The following ZNF398 variants were observed in gnomAD, a reference collection of about 807,000 sequenced individuals.
The protein encoded by ZNF398 is zinc finger DNA binding protein ZER6.
In ZNF398, 18 loss-of-function variants were observed where a neutral mutation model predicts 41.9. That is an observed-to-expected ratio of 0.43 (90% confidence interval 0.30 to 0.64). The LOEUF is 0.64. Ranked by LOEUF, ZNF398 falls within the 30% of genes least tolerant of loss-of-function variation. ZNF398 has a pLI of 0.14. For missense variants in ZNF398, 669 were observed against 822.8 expected (o/e 0.81, Z 2.29); for synonymous variants, 260 against 308.8 (o/e 0.84, Z 1.66).
intron 2 of ZNF398, among the ~76,000 whole-genome samples, chr7:149,165,208 C>G (rs563353660): frequency 6.6e-6 from 1 of 151,980 alleles, no homozygotes; most frequent in Non-Finnish European, 1.5e-5. Context: ...TTGCAGAGTT[C>G]GAACCGAATG....
intron 1 of ZNF398, among the ~76,000 whole-genome samples, chr7:149,150,867 C>A (rs1827093643): frequency 6.6e-6 from 1 of 152,080 alleles, no homozygotes; most frequent in Non-Finnish European, 1.5e-5. Flanking sequence ...TGCCACCACA[C>A]CCAGCTAATT....
chr7:149,175,480 A>G (rs1433475188), intron 4 of ZNF398, among the ~76,000 whole-genome samples: 1 of 152,160 alleles, frequency 6.6e-6, no homozygotes, highest in African/African-American at 2.4e-5. Flanking sequence ...AAGAACCCCC[A>G]AGACCTGAAG....
chr7:149,132,516 C>CGA (rs796634220), intron 2 of ZNF398, among the ~76,000 whole-genome samples: 93 of 151,986 alleles, frequency 6.1e-4, no homozygotes, highest in African/African-American at 2.1e-3. Flanking sequence ...TTCTCTCTTT[C>CGA]GAGAGAGAGA....
chr7:149,177,007 G>A (rs1427262263), intron 5 of ZNF398, among the ~76,000 whole-genome samples: 1 of 152,092 alleles, frequency 6.6e-6, no homozygotes, highest in East Asian at 1.9e-4. Flanking sequence ...AATCAATGAT[G>A]GGAGAAGAAA....
At chr7:149,167,052 A>G (rs1795239610) in intron 4 of ZNF398, 122 bp downstream of exon 4, 1 of 636,590 alleles carries the variant, frequency 1.6e-6, no homozygotes, top group East Asian at 2.9e-5. Flanking sequence ...TAGATTTTGA[A>G]TGTGTCATCA....
rs978904059 is a variant in ZNF398, at chr7:149,175,952, C to G, written c.662-516C>G. Among the ~76,000 whole-genome samples, 21 of 152,130 alleles carry G rather than the reference C, an allele frequency of 1.4e-4. 1 individual carries two copies. Among genetic ancestry groups the G allele is most frequent in the Admixed American group, 1.3e-4 (2 of 15,254 alleles). On this transcript the variant is annotated intron_variant, in intron 4 of 5. Coordinates refer to ENST00000475153, the MANE Select transcript of ZNF398 (RefSeq NM_170686.3). ...CCACTTGCCTCGGCCTCCCAAAGTT[C>G]TGGGCTTACACGCGTGAGTTACCAC... is the stretch of plus-strand genomic sequence containing the variant.
chr7:149,174,286 A>G (rs1237096995), intron 4 of ZNF398, among the ~76,000 whole-genome samples: 1 of 152,086 alleles, frequency 6.6e-6, no homozygotes, highest in Non-Finnish European at 1.5e-5. Flanking sequence ...TCATACATGA[A>G]AATTTGTTGT....
intron 2 of ZNF398, among the ~76,000 whole-genome samples, chr7:149,142,010 A>G (rs139435973): frequency 7.5e-4 from 114 of 152,230 alleles, no homozygotes; most frequent in African/African-American, 2.4e-3. Flanking sequence ...ATGCAGTGGC[A>G]CAGTCATGGC....
intron 1 of ZNF398, chr7:149,148,381 G>A (rs990688544): frequency 1.0e-6 from 1 of 972,504 alleles, no homozygotes; most frequent in Non-Finnish European, 1.2e-6. Flanking sequence ...AGTTGCCAGG[G>A]CGACCGAGGC....
intron 5 of ZNF398, among the ~76,000 whole-genome samples, chr7:149,177,296 G>A (rs1405241817): frequency 6.6e-6 from 1 of 152,064 alleles, no homozygotes; most frequent in Non-Finnish European, 1.5e-5. Context: ...TGAATGAGAA[G>A]TTTCAGGAAC....
At chr7:149,138,169 C>A (rs1029318764) in intron 2 of ZNF398, among the ~76,000 whole-genome samples, 20 of 149,878 alleles carry the variant, frequency 1.3e-4, no homozygotes, top group East Asian at 1.2e-3. Context: ...CCATTGCACT[C>A]CAGCCTAGGC....
intron 1 of ZNF398, chr7:149,151,113 C>A: frequency 2.0e-6 from 1 of 502,416 alleles, no homozygotes; most frequent in Non-Finnish European, 2.7e-6. Flanking sequence ...ATGGGACAAG[C>A]GGCATGGAGG....
chr7:149,141,826 T>C (rs768106863), intron 2 of ZNF398, among the ~76,000 whole-genome samples: 26 of 152,140 alleles, frequency 1.7e-4, no homozygotes, highest in Non-Finnish European at 2.4e-4. Flanking sequence ...TGACATCAGG[T>C]GATCCACCCA....
At chr7:149,146,536 G>A (rs902341004), upstream of ZNF398, among the ~76,000 whole-genome samples, 1 of 151,384 alleles carries the variant, frequency 6.6e-6, no homozygotes, top group Non-Finnish European at 1.5e-5. Flanking sequence ...GACGACAGAG[G>A]GAGACTGTCT....
At chr7:149,155,335 G>A (rs902458341) in intron 2 of ZNF398, among the ~76,000 whole-genome samples, 5 of 152,036 alleles carry the variant, frequency 3.3e-5, no homozygotes, top group East Asian at 1.9e-4. Flanking sequence ...CAGGAGAATC[G>A]CTTGAACCCG....
At chr7:149,175,170 G>A (rs1460513826) in intron 4 of ZNF398, among the ~76,000 whole-genome samples, 3 of 152,046 alleles carry the variant, frequency 2.0e-5, no homozygotes, top group Admixed American at 6.6e-5. Flanking sequence ...TTTCAGTGGC[G>A]TCTAACTGAT....
Position 149,160,136 on chromosome 7 carries a change from C to CCAAAAAAATCCTCTT in ZNF398, c.420+5797_420+5811dup, listed in dbSNP as rs1795076218. Reference sequence around the variant, plus strand: ...TTATCATTTCTTTGTGTTGGGAACACCAAAAAAATCCTCTTTTCTAGGCCA... The same window carrying CCAAAAAAATCCTCTT: ...TTATCATTTCTTTGTGTTGGGAACACCAAAAAAATCCTCTTCAAAAAAATCCTCTTTTCTAGGCCA... On this transcript the variant is annotated intron_variant, in intron 2 of 5. Transcript: ENST00000475153. 2.6e-5 allele frequency among the ~76,000 whole-genome samples: 4 copies of CCAAAAAAATCCTCTT among 152,114 alleles called. No individual in the cohort carries two copies. In the South Asian group the frequency reaches 8.3e-4, roughly 32 times the overall value.
chr7:149,148,580 G>A, intron 1 of ZNF398: 1 of 721,774 alleles, frequency 1.4e-6, no homozygotes, highest in Non-Finnish European at 1.7e-6. Context: ...CGATGGGTAG[G>A]GGGTAGAGCA....
intron 2 of ZNF398, among the ~76,000 whole-genome samples, chr7:149,130,468 T>C (rs1826574007): frequency 6.6e-6 from 1 of 152,140 alleles, no homozygotes; most frequent in Admixed American, 6.6e-5. Flanking sequence ...GAAAATAAAT[T>C]TTTATTTCTT....
Sources: gnomAD v4.1 joint callset for allele counts (sites outside exome capture counted in the v4.1 genomes callset) on GRCh38, gnomAD v4.1.1 for gene constraint, MANE v1.5 for transcripts, NCBI Gene and HGNC (gene_info 2026-07-23, HGNC 2026-07-21) for gene names.